Variants in DNAJC19 observed in about 807,000 individuals in gnomAD.
DNAJC19 encodes the protein DnaJ heat shock protein family (Hsp40) member C19.
Under a neutral mutation model 19.8 loss-of-function variants are expected in DNAJC19, and 15 were observed. That is an observed-to-expected ratio of 0.76 (90% CI 0.51 to 1.17). DNAJC19 has a LOEUF of 1.17. Among genes scored for constraint, DNAJC19 ranks in the 50% most tolerant of loss-of-function variants. The pLI is 0.00. For missense variants in DNAJC19, 105 were observed against 140.9 expected (o/e 0.75, Z 1.29); for synonymous variants, 38 against 42.1 (o/e 0.90, Z 0.38).
chr3:180,988,698 G>A lies in DNAJC19; in HGVS notation c.4-469C>T, dbSNP rs180699882. On this transcript the variant is annotated intron_variant, in intron 1 of 5. Transcript: ENST00000382564. ...ACCAGACAAATTAAGTCACATTAAA[G>A]TTCAATCAAAAGTAGTGGAAATAGG... Among the ~76,000 whole-genome samples, 985 of 152,078 alleles carry A rather than the reference G, an allele frequency of 6.5e-3. 4 individuals are homozygous for A. Among genetic ancestry groups the A allele is most frequent in the Non-Finnish European group, 9.6e-3 (651 of 67,986 alleles).
intron 5 of DNAJC19, 48 bp downstream of exon 5, chr3:180,985,878 A>C (rs970159907): frequency 6.8e-7 from 1 of 1,470,384 alleles, no homozygotes; most frequent in East Asian, 2.3e-5. Context: ...CCCATTAATA[A>C]CTATTGGTCA....
chr3:180,986,007 A>G lies in DNAJC19; in HGVS notation c.210-11T>C, dbSNP rs1553783035. The stretch of plus-strand genomic sequence containing the variant: ...TTATTGGCAGTAGGGCTAATTAAAA[A>G]AAGAAATGGTATTTACTTCATCCTA... On this transcript the variant is annotated splice_polypyrimidine_tract_variant and intron_variant, in intron 4 of 5. Transcript: ENST00000382564. 21 of 1,608,470 alleles carry G rather than the reference A, an allele frequency of 1.3e-5. No homozygotes were observed. The South Asian group carries it at 2.3e-4, about 18-fold the overall frequency.
At chr3:180,986,793 C>T (rs1714932099) in intron 4 of DNAJC19, 150 bp downstream of exon 4, 8 of 693,920 alleles carry the variant, frequency 1.2e-5, no homozygotes, top group Non-Finnish European at 2.6e-6. Context: ...AGGAACAGTA[C>T]AGTTTCATTG....
rs1442247929 is a variant in DNAJC19 at position 180,987,604 on chromosome 3, C to A, written c.129+419G>T. ...AGTATGACCATAACATCAAGCCAAA[C>A]CCTATAGCCTAATTAACTAGAGTGC... On this transcript the variant is annotated intron_variant, in intron 3 of 5. Transcript: ENST00000382564. 1.4e-5 allele frequency: 4 copies of A among 295,194 alleles called. No homozygotes were observed. In the East Asian group the frequency reaches 3.4e-4, roughly 25 times the overall value. The allele number at this position is 295,194 out of a possible 1,614,324, so 18.3% of individuals were successfully genotyped here. A position where few individuals can be genotyped will look rare whatever the true frequency, so the allele number is the denominator to read the frequency against.
Position 180,983,946 on chromosome 3 carries a change from C to G in DNAJC19, c.*694G>C, listed in dbSNP as rs1437838200. ...AATGTAAATACTCATGCCTGTAATC[C>G]CAGTACTTTGGGAGGCTGAGGCGGG... On this transcript the variant is annotated 3_prime_UTR_variant, in exon 6 of 6. Transcript: ENST00000382564. The G allele has an allele frequency of 2.4e-5, 11 of 453,840 alleles. 1 individual carries two copies. Among genetic ancestry groups the G allele is most frequent in the South Asian group, 1.7e-4 (11 of 64,470 alleles). The allele number at this position is 453,840 out of a possible 1,614,324, so 28.1% of individuals were successfully genotyped here.
intron 1 of DNAJC19, 124 bp from the exon 2 acceptor site, chr3:180,988,353 CTTTTTT>C (rs369840102): frequency 1.4e-5 from 9 of 649,738 alleles, no homozygotes; most frequent in Non-Finnish European, 1.2e-5. Context: ...TTTTTTTTTT[CTTTTTT>C]TTTTTTTTTT....
chr3:180,985,860 A>C, intron 5 of DNAJC19, 66 bp downstream of exon 5: 1 of 1,367,770 alleles, frequency 7.3e-7, no homozygotes, highest in East Asian at 2.3e-5. Context: ...AATTTGAGAT[A>C]AAATTATCCC....
intron 5 of DNAJC19, 129 bp from the exon 6 acceptor site, chr3:180,984,839 TTTAAAAAA>T (rs1714817180): frequency 1.5e-6 from 1 of 651,008 alleles, no homozygotes; most frequent in African/African-American, 1.8e-5. Context: ...TGTTTTAATT[TTTAAAAAA>T]TAACCCTGAC....
At position 180,989,669 on chromosome 3, in the gene DNAJC19, A is replaced by C. The variant is rs769945722; in HGVS notation, c.-67T>G. ...CATCCCAGCTCAGAGGCCGCGGCCA[A>C]CACCTGCACGCCTTTACCAGAGAGC... On this transcript the variant is annotated 5_prime_UTR_variant, in exon 1 of 6. Coordinates refer to ENST00000382564, the MANE Select transcript of DNAJC19 (RefSeq NM_145261.4). The C allele has an allele frequency of 1.1e-5, 17 of 1,562,154 alleles. No individual in the cohort carries two copies. The highest frequency in any genetic ancestry group is 1.0e-5 in the Non-Finnish European group (12 of 1,153,916).
Position 180,985,958 on chromosome 3 carries a change from C to T in DNAJC19, c.248G>A (p.Arg83Gln), listed in dbSNP as rs754368431. 4 of 1,613,426 alleles carry T rather than the reference C, an allele frequency of 2.5e-6. No individual in the cohort carries two copies. Among genetic ancestry groups the T allele is most frequent in the African/African-American group, 1.3e-5 (1 of 74,946 alleles). The stretch of plus-strand genomic sequence containing the variant: ...AGGATGATTTAAAAGCATAATTCGT[C>T]GATGAGCATCTCTTATTTTCCCTTT... Reference protein sequence around the residue: ...ANKGKIRDAHRRIMLLNHPDK... With the variant: ...ANKGKIRDAHQRIMLLNHPDK... The change falls in exon 5 of 6, where the codon CGA (arginine) becomes CAA (glutamine). Residue 83 changes from arginine (R) to glutamine (Q), a missense_variant. Coordinates refer to ENST00000382564, the MANE Select transcript of DNAJC19 (RefSeq NM_145261.4).
In DNAJC19 at chr3:180,984,629, A is replaced by G; in HGVS notation, c.*11T>C. On this transcript the variant is annotated 3_prime_UTR_variant, in exon 6 of 6. Coordinates refer to ENST00000382564, the MANE Select transcript of DNAJC19 (RefSeq NM_145261.4). Reference sequence around the variant, plus strand: ...AACTAATACGAACTTAAAATTCATCATACATTTACTTCATTTTTTAGCTTG... The same window carrying G: ...AACTAATACGAACTTAAAATTCATCGTACATTTACTTCATTTTTTAGCTTG... The G allele has an allele frequency of 6.3e-7, 1 of 1,582,394 alleles. No homozygotes were observed. The highest frequency in any genetic ancestry group is 8.7e-7 in the Non-Finnish European group (1 of 1,155,824).
Position 180,983,964 on chromosome 3 carries a change from G to T in DNAJC19, c.*676C>A, listed in dbSNP as rs1213074064. The T allele has an allele frequency of 2.2e-6, 1 of 453,916 alleles. No individual in the cohort carries two copies. The highest frequency in any genetic ancestry group is 4.4e-6 in the Non-Finnish European group (1 of 226,756). The allele number at this position is 453,916 out of a possible 1,614,324, so 28.1% of individuals were successfully genotyped here. On this transcript the variant is annotated 3_prime_UTR_variant, in exon 6 of 6. Transcript: ENST00000382564. ...TGTAATCCCAGTACTTTGGGAGGCT[G>T]AGGCGGGAGGACTGCTTAAACCCAG...
In DNAJC19 at chr3:180,988,225, C is replaced by T. The variant is rs1243283616; in HGVS notation, c.8G>A (p.Ser3Asn). 6.2e-7 allele frequency: 1 copy of T among 1,614,162 alleles called. No homozygotes were observed. Among genetic ancestry groups the T allele is most frequent in the Non-Finnish European group, 8.5e-7 (1 of 1,180,030 alleles). The change falls in exon 2 of 6, where the codon AGT becomes AAT. Residue 3 changes from serine to asparagine, a missense_variant. Physicochemically the swap from Ser to Asn is conservative, Grantham distance 46 (BLOSUM62 1). Coordinates refer to ENST00000382564, the MANE Select transcript of DNAJC19 (RefSeq NM_145261.4). MA[S>N]TVVAVGLTIA... is the part of the protein sequence containing the mutation. ...GGTCAGTCCAACTGCTACCACTGTACTGGCCTGGTAAGGGGGAGAAGAGTA... is the reference window on the plus strand; with the variant it reads ...GGTCAGTCCAACTGCTACCACTGTATTGGCCTGGTAAGGGGGAGAAGAGTA...
chr3:180,989,740 A>C (rs907183742), upstream of DNAJC19: 1 of 1,427,314 alleles, frequency 7.0e-7, no homozygotes, highest in Non-Finnish European at 9.6e-7. Flanking sequence ...GCAACACGGC[A>C]GGAGCAGCCG....
rs937643521 is a variant in DNAJC19 at position 180,986,772 on chromosome 3, AAAT to A, written c.209+168_209+170del. The A allele has an allele frequency of 1.4e-5, 9 of 626,036 alleles. No homozygotes were observed. The African/African-American group carries it at 1.7e-4, about 12-fold the overall frequency. The allele number at this position is 626,036 out of a possible 1,614,324, so 38.8% of individuals were successfully genotyped here. A position where few individuals can be genotyped will look rare whatever the true frequency, so the allele number is the denominator to read the frequency against. ...ATTTGAAGGATTGTTTACATCTTAA[AAAT>A]AACATGAAGGAACAGTACAGTTTCA... On this transcript the variant is annotated intron_variant, in intron 4 of 5. Transcript: ENST00000382564.
At chr3:180,985,570 C>T (rs1227271092) in intron 5 of DNAJC19, 5 of 248,398 alleles carry the variant, frequency 2.0e-5, no homozygotes, top group Admixed American at 5.0e-5. Context: ...CTATCACAAA[C>T]GAATAAATAA....
At position 180,984,104 on chromosome 3, in the gene DNAJC19, C is replaced by A; in HGVS notation, c.*536G>T. ...TTTATATGTACATAGAATACACACACACACACACCCCTAGGTCAATTTCTT... is the reference window on the plus strand; with the variant it reads ...TTTATATGTACATAGAATACACACAAACACACACCCCTAGGTCAATTTCTT... On this transcript the variant is annotated 3_prime_UTR_variant, in exon 6 of 6. Transcript: ENST00000382564. 2.2e-6 allele frequency: 1 copy of A among 454,096 alleles called. No individual in the cohort carries two copies. The highest frequency in any genetic ancestry group is 1.6e-5 in the South Asian group (1 of 64,478). 28.1% of individuals were successfully genotyped at this position (454,096 alleles called of 1,614,324 possible).
chr3:180,987,911 G>C (rs1714991087), intron 3 of DNAJC19, 112 bp downstream of exon 3: 5 of 1,292,922 alleles, frequency 3.9e-6, no homozygotes, highest in Non-Finnish European at 5.6e-6. Context: ...GGAAGCAGGA[G>C]AATGGGTCCA....
chr3:180,985,872 T>C, intron 5 of DNAJC19, 54 bp downstream of exon 5: 1 of 1,442,640 alleles, frequency 6.9e-7, no homozygotes, highest in Non-Finnish European at 9.8e-7. Context: ...AATTATCCCA[T>C]TAATAACTAT....
Sources: gnomAD v4.1 joint callset for allele counts (sites outside exome capture counted in the v4.1 genomes callset) on GRCh38, gnomAD v4.1.1 for gene constraint, MANE v1.5 for transcripts, NCBI Gene and HGNC (gene_info 2026-07-23, HGNC 2026-07-21) for gene names.